Variants in MYH11 observed in about 807,000 individuals in gnomAD.
The protein encoded by MYH11 is myosin-11.
MYH11 carries 80 observed loss-of-function variants against 246.6 expected under a neutral mutation model. That is an observed-to-expected ratio of 0.32 (90% CI 0.27 to 0.39). MYH11 has a LOEUF of 0.39. Among genes scored for constraint, MYH11 ranks in the 10% least tolerant of loss-of-function variants. The pLI is 1.00. For synonymous variants in MYH11, 1,071 were observed against 1,015.5 expected, an observed-to-expected ratio of 1.05 and a Z score of -1.04; for missense variants, 2,158 against 2,546.8, an observed-to-expected ratio of 0.85 and a Z score of 3.29.
At chr16:15,705,683 G>C (rs776914690) in intron 40 of MYH11, among the ~76,000 whole-genome samples, 5 of 152,078 alleles carry the variant, frequency 3.3e-5, no homozygotes, top group Non-Finnish European at 5.9e-5. Context: ...CAATTCTTTA[G>C]TCAAAAGGAA....
chr16:15,718,681 T>C, intron 36 of MYH11: 5 of 588,560 alleles, frequency 8.5e-6, no homozygotes, highest in Non-Finnish European at 1.5e-5. Context: ...TCCCTGACTC[T>C]TCCTGGCCTC....
chr16:15,739,986 C>T, intron 23 of MYH11, 65 bp downstream of exon 23: 9 of 1,574,628 alleles, frequency 5.7e-6, no homozygotes, highest in Non-Finnish European at 7.8e-6. Context: ...AAGTGATCCA[C>T]ATACCTTGGC....
At position 15,821,567 on chromosome 16, in the gene MYH11, TTTC is replaced by T. The variant is rs561861352; in HGVS notation, c.502+1685_502+1687del. Among the ~76,000 whole-genome samples the T allele has an allele frequency of 2.0e-5, 3 of 152,158 alleles. No individual in the cohort carries two copies. The South Asian group carries it at 6.2e-4, about 32-fold the overall frequency. ...CCTCCTTCTCCTTTGCTAACAGAAT[TTTC>T]TTTCTTTTTGGTATTTAGATTAAAA... is the stretch of plus-strand genomic sequence containing the variant. On this transcript the variant is annotated intron_variant, in intron 3 of 40. Transcript: ENST00000300036.
At chr16:15,781,451 T>C (rs527512759) in intron 6 of MYH11, among the ~76,000 whole-genome samples, 90 of 152,286 alleles carry the variant, frequency 5.9e-4, no homozygotes, top group African/African-American at 2.0e-3. Flanking sequence ...AAAGAGTCTT[T>C]CACAGGGCCC....
At chr16:15,755,839 G>A (rs2041697717) in intron 14 of MYH11, among the ~76,000 whole-genome samples, 1 of 152,232 alleles carries the variant, frequency 6.6e-6, no homozygotes, top group Admixed American at 6.5e-5. Flanking sequence ...GGCTGAGGCA[G>A]GAGAATCTCT....
intron 2 of MYH11, among the ~76,000 whole-genome samples, chr16:15,825,646 C>A (rs916585080): frequency 1.3e-5 from 2 of 152,056 alleles, no homozygotes; most frequent in Non-Finnish European, 2.9e-5. Context: ...ATGTCATATG[C>A]ACTTTACCAT....
At chr16:15,848,738 C>T (rs1302500340) in intron 1 of MYH11, among the ~76,000 whole-genome samples, 1 of 152,146 alleles carries the variant, frequency 6.6e-6, no homozygotes, top group African/African-American at 2.4e-5. Flanking sequence ...CAGTTGAGAA[C>T]CACAGCTTTA....
chr16:15,798,597 C>T lies in MYH11; in HGVS notation c.530+63G>A, dbSNP rs527973089. On this transcript the variant is annotated intron_variant, in intron 4 of 40. Transcript: ENST00000300036. ...ATCTTTTCTTTCATAGGTTGGATCT[C>T]GACTACAGATTAAAAAAAAAAAAAA... is the stretch of plus-strand genomic sequence containing the variant. The T allele has an allele frequency of 3.0e-5, 43 of 1,439,302 alleles. No homozygotes were observed. In the African/African-American group the frequency reaches 4.8e-4, roughly 16 times the overall value. 89.2% of individuals were successfully genotyped at this position (1,439,302 alleles called of 1,614,324 possible).
chr16:15,836,460 C>T (rs1319647267), intron 2 of MYH11, among the ~76,000 whole-genome samples: 1 of 152,142 alleles, frequency 6.6e-6, no homozygotes, highest in Non-Finnish European at 1.5e-5. Flanking sequence ...AGTACAATAA[C>T]GCGATTTTGG....
intron 1 of MYH11, among the ~76,000 whole-genome samples, chr16:15,854,417 T>C (rs77258264): frequency 0.017 from 2,590 of 152,328 alleles, 91 homozygotes; most frequent in African/African-American, 0.06. Context: ...GACCTAGATT[T>C]GTAGAATCTT....
At chr16:15,814,818 C>G (rs998835777) in intron 3 of MYH11, among the ~76,000 whole-genome samples, 1 of 152,084 alleles carries the variant, frequency 6.6e-6, no homozygotes, top group Non-Finnish European at 1.5e-5. Flanking sequence ...CCTTCTCACA[C>G]CCCACAGAAG....
intron 18 of MYH11, 24 bp from the exon 19 acceptor site, chr16:15,747,754 G>T (rs376084913): frequency 5.7e-5 from 92 of 1,613,782 alleles, no homozygotes; most frequent in Non-Finnish European, 7.7e-5. Context: ...GAAAGGAAGA[G>T]CTCCTGATTT....
intron 3 of MYH11, among the ~76,000 whole-genome samples, chr16:15,807,895 G>A (rs1596875363): frequency 6.6e-6 from 1 of 152,208 alleles, no homozygotes; most frequent in South Asian, 2.1e-4. Context: ...TTCGGCCCAA[G>A]CCCAAACACA....
At chr16:15,783,135 G>C (rs1323056656) in intron 5 of MYH11, 3 of 152,782 alleles carry the variant, frequency 2.0e-5, no homozygotes, top group Admixed American at 6.5e-5. Flanking sequence ...CCCCTCTGCC[G>C]GGATGCCTTT....
intron 2 of MYH11, among the ~76,000 whole-genome samples, chr16:15,826,154 A>G (rs1596910571): frequency 1.3e-5 from 2 of 151,882 alleles, no homozygotes; most frequent in South Asian, 2.1e-4. Flanking sequence ...TCATTCATTC[A>G]TTCATTCATT....
intron 5 of MYH11, chr16:15,786,079 G>A: frequency 3.8e-6 from 1 of 264,998 alleles, no homozygotes; most frequent in Non-Finnish European, 7.4e-6. Context: ...GACACGTGGA[G>A]GAATCCGGGA....
chr16:15,759,405 T>C (rs570922695), intron 12 of MYH11, among the ~76,000 whole-genome samples, 171 bp downstream of exon 12: 2 of 152,174 alleles, frequency 1.3e-5, no homozygotes, highest in East Asian at 3.9e-4. Context: ...AACCAATGCA[T>C]TTCCTGTTGG....
chr16:15,734,941 A>G (rs1394909113), intron 26 of MYH11, among the ~76,000 whole-genome samples: 1 of 152,014 alleles, frequency 6.6e-6, no homozygotes, highest in African/African-American at 2.4e-5. Flanking sequence ...GCAGTTTGGG[A>G]GGCGGAAGTG....
chr16:15,798,281 A>G (rs949646751), intron 4 of MYH11, among the ~76,000 whole-genome samples: 2 of 152,246 alleles, frequency 1.3e-5, no homozygotes, highest in African/African-American at 4.8e-5. Context: ...CTAAAGTGAC[A>G]GTTTAACATC....
Sources: allele counts gnomAD v4.1 joint callset (sites outside exome capture counted in the v4.1 genomes callset), GRCh38; gene constraint gnomAD v4.1.1; transcripts MANE v1.5; gene names NCBI Gene and HGNC (gene_info 2026-07-23, HGNC 2026-07-21).